NUAK1: variants seen among roughly 807,000 people sequenced by gnomAD.
NUAK1 encodes NUAK family SNF1-like kinase 1.
Under a neutral mutation model 56.9 loss-of-function variants are expected in NUAK1, and 26 were observed. The ratio of observed to expected loss-of-function variants is 0.46; its 90% CI spans 0.33 to 0.63. The LOEUF is 0.63. Ranked by LOEUF, NUAK1 falls within the 30% of genes least tolerant of loss-of-function variation. The pLI is 0.02. For missense variants in NUAK1, 727 were observed against 876.1 expected (o/e 0.83, Z 2.15); for synonymous variants, 337 against 336.0 (o/e 1.00, Z -0.03).
chr12:106,133,520 T>C (rs1254798362), intron 1 of NUAK1, among the ~76,000 whole-genome samples: 1 of 152,102 alleles, frequency 6.6e-6, no homozygotes, highest in Non-Finnish European at 1.5e-5. Context: ...ACAAACACCA[T>C]CCAGCTGTCT....
intron 4 of NUAK1, among the ~76,000 whole-genome samples, chr12:106,073,853 G>A (rs1375744171): frequency 2.6e-5 from 4 of 151,970 alleles, no homozygotes. Context: ...GAGTGTAACA[G>A]TGGTTCATAA....
chr12:106,128,941 A>C (rs905504326), intron 1 of NUAK1, among the ~76,000 whole-genome samples: 2 of 152,280 alleles, frequency 1.3e-5, no homozygotes, highest in Non-Finnish European at 2.9e-5. Context: ...TACTTAAAGT[A>C]CTTGATTTAC....
chr12:106,136,989 G>A (rs899480319), intron 1 of NUAK1, among the ~76,000 whole-genome samples: 1 of 152,306 alleles, frequency 6.6e-6, no homozygotes, highest in South Asian at 2.1e-4. Context: ...CTTGCTTGCT[G>A]TAGAATTTAT....
At chr12:106,121,742 C>G (rs1193569468) in intron 1 of NUAK1, among the ~76,000 whole-genome samples, 1 of 151,826 alleles carries the variant, frequency 6.6e-6, no homozygotes, top group Non-Finnish European at 1.5e-5. Context: ...AGAGCGAGAC[C>G]CTGTCTCGGG....
In NUAK1 at chr12:106,072,735, G is replaced by T. The variant is rs373835672; in HGVS notation, c.688C>A (p.Arg230=). 7.4e-6 allele frequency: 12 copies of T among 1,613,264 alleles called. No homozygotes were observed. Among genetic ancestry groups the T allele is most frequent in the African/African-American group, 6.7e-5 (5 of 74,752 alleles). The part of the protein sequence containing the change: ...SPEIVNGRPY[R]GPEVDSWALG... ...GGAAAGCTGCTCACCTCTGGCCCTCGGTAAGGTCTCCCATTGACAATCTCA... is the reference window on the plus strand; with the variant it reads ...GGAAAGCTGCTCACCTCTGGCCCTCTGTAAGGTCTCCCATTGACAATCTCA... Residue 230 remains arginine, a synonymous_variant, in exon 5 of 7, where the codon CGA becomes AGA. Transcript: ENST00000261402.
At chr12:106,072,692 C>A (rs2032418377) in intron 5 of NUAK1, 32 bp downstream of exon 5, 2 of 1,607,590 alleles carry the variant, frequency 1.2e-6, no homozygotes, top group Admixed American at 1.7e-5. Flanking sequence ...CCTCCCCTCC[C>A]CTGCCCCATA....
intron 6 of NUAK1, among the ~76,000 whole-genome samples, chr12:106,070,258 A>T (rs944592390): frequency 2.4e-4 from 36 of 152,140 alleles, no homozygotes; most frequent in African/African-American, 8.7e-4. Context: ...GAAAGAGATG[A>T]TTTCATGGTT....
At position 106,138,780 on chromosome 12, in the gene NUAK1, G is replaced by A. The variant is rs2033156041; in HGVS notation, c.-127C>T. ...CCCCGCAGCATCAGGGAGGCGGCCC[G>A]ATACCGCTCGGACTGCGGCTCGGTC... On this transcript the variant is annotated 5_prime_UTR_variant, in exon 1 of 7. Coordinates refer to ENST00000261402, the MANE Select transcript of NUAK1 (RefSeq NM_014840.3). This position sits in a 1 kb window ranked among gnomAD's most constrained non-coding sequence, Gnocchi z 5.0. 1 of 1,286,402 alleles carries A rather than the reference G, an allele frequency of 7.8e-7. No individual in the cohort carries two copies. Among genetic ancestry groups the A allele is most frequent in the East Asian group, 2.9e-5 (1 of 34,398 alleles). The allele number at this position is 1,286,402 out of a possible 1,614,324, so 79.7% of individuals were successfully genotyped here. A position where few individuals can be genotyped will look rare whatever the true frequency, so the allele number is the denominator to read the frequency against.
At chr12:106,093,887 C>G (rs1202081624) in intron 2 of NUAK1, among the ~76,000 whole-genome samples, 1 of 152,184 alleles carries the variant, frequency 6.6e-6, no homozygotes, top group African/African-American at 2.4e-5. Context: ...CAACCTCCGC[C>G]TCCCAGGCTT....
intron 2 of NUAK1, among the ~76,000 whole-genome samples, chr12:106,094,419 A>C (rs935081139): frequency 2.0e-5 from 3 of 152,222 alleles, no homozygotes; most frequent in African/African-American, 7.2e-5. Context: ...CAGTTGAGTC[A>C]TTTAGTCAAT....
At chr12:106,135,135 G>A (rs1023534412) in intron 1 of NUAK1, among the ~76,000 whole-genome samples, 6 of 152,148 alleles carry the variant, frequency 3.9e-5, no homozygotes, top group East Asian at 1.9e-4. Context: ...TCATTTTACC[G>A]ATGAAGAAGC....
Position 106,067,607 on chromosome 12 carries a change from G to C in NUAK1, c.1181C>G (p.Ser394Cys). Reference protein sequence around the residue: ...AVPESPSKLSSKRPKGILKKR... With the variant: ...AVPESPSKLSCKRPKGILKKR... ...CTTCAGGATCCCCTTGGGCCTCTTA[G>C]AACTCAACTTGGATGGGCTTTCAGG... The change falls in exon 7 of 7, where the codon TCT (serine) becomes TGT (cysteine). Residue 394 changes from serine (S) to cysteine (C), a missense_variant. Transcript: ENST00000261402. This position sits in a 1 kb window ranked among gnomAD's most constrained non-coding sequence, Gnocchi z 6.0. 6.2e-7 allele frequency: 1 copy of C among 1,614,226 alleles called. No homozygotes were observed. The highest frequency in any genetic ancestry group is 1.1e-5 in the South Asian group (1 of 91,086).
chr12:106,113,687 T>G (rs150396137), intron 1 of NUAK1, among the ~76,000 whole-genome samples: 186 of 149,274 alleles, frequency 1.2e-3, no homozygotes, highest in African/African-American at 4.5e-3. Flanking sequence ...ACTAGATGAC[T>G]GATGAAAATT....
Position 106,067,190 on chromosome 12 carries a change from G to A in NUAK1, c.1598C>T (p.Ala533Val), listed in dbSNP as rs112197976. The change falls in exon 7 of 7, where the codon GCG becomes GTG. Residue 533 changes from alanine (A) to valine (V), a missense_variant. Coordinates refer to ENST00000261402, the MANE Select transcript of NUAK1 (RefSeq NM_014840.3). The surrounding 1 kb of genome is among the most constrained non-coding windows in gnomAD (Gnocchi z 6.0). The part of the protein sequence containing the change: ...GILKHSSKYS[A>V]GTMDPALVSP... The stretch of plus-strand genomic sequence containing the variant: ...GACCAGGGCTGGGTCCATGGTGCCC[G>A]CTGAGTATTTGCTGCTGTGTTTCAA... 80 of 1,614,080 alleles carry A rather than the reference G, an allele frequency of 5.0e-5. No homozygotes were observed. Among genetic ancestry groups the A allele is most frequent in the African/African-American group, 2.9e-4 (22 of 75,012 alleles).
chr12:106,066,892 C>T lies in NUAK1; in HGVS notation c.1896G>A (p.Leu632=), dbSNP rs1456088467. The T allele has an allele frequency of 2.5e-6, 4 of 1,614,112 alleles. No homozygotes were observed. In the African/African-American group the frequency reaches 5.3e-5, roughly 22 times the overall value. The change falls in exon 7 of 7, where the codon CTG becomes CTA. Residue 632 remains leucine, a synonymous_variant. Transcript: ENST00000261402. ...TGAGGAGGGAGAAGCTGCTGTCTGC[C>T]AGCCGGTTCCGGTACCGCTTCAGGT... ...PQYLKRYRNR[L]ADSSFSLLTD... is the part of the protein sequence containing the mutation.
At chr12:106,077,540 G>A (rs2032476927) in intron 4 of NUAK1, among the ~76,000 whole-genome samples, 1 of 152,218 alleles carries the variant, frequency 6.6e-6, no homozygotes, top group Non-Finnish European at 1.5e-5. Flanking sequence ...GTCACGTTCA[G>A]AGTGAGAAGC....
At chr12:106,099,298 T>C (rs1454892404) in intron 2 of NUAK1, among the ~76,000 whole-genome samples, 4 of 152,228 alleles carry the variant, frequency 2.6e-5, no homozygotes, top group East Asian at 1.9e-4. Context: ...TGTGATTATA[T>C]AAAAATCAAA....
intron 6 of NUAK1, among the ~76,000 whole-genome samples, chr12:106,069,105 A>T (rs1184480564): frequency 6.6e-6 from 1 of 152,218 alleles, no homozygotes; most frequent in Non-Finnish European, 1.5e-5. Context: ...ATATATACAC[A>T]TACAACCGTC....
intron 1 of NUAK1, 87 bp from the exon 2 acceptor site, chr12:106,106,612 G>T: frequency 7.2e-7 from 1 of 1,393,376 alleles, no homozygotes; most frequent in Non-Finnish European, 9.7e-7. Flanking sequence ...AAATACAGAT[G>T]TTACTTGTTG....
Sources: allele counts gnomAD v4.1 joint callset (sites outside exome capture counted in the v4.1 genomes callset), GRCh38; gene constraint gnomAD v4.1.1; non-coding constraint Gnocchi (gnomAD v3.1); transcripts MANE v1.5; gene names NCBI Gene and HGNC (gene_info 2026-07-23, HGNC 2026-07-21).